Variants in SH3GL2 observed in about 807,000 individuals in gnomAD.
The protein encoded by SH3GL2 is endophilin-A1.
Under a neutral mutation model 46.0 loss-of-function variants are expected in SH3GL2, and 24 were observed. The ratio of observed to expected loss-of-function variants is 0.52; its 90% CI spans 0.38 to 0.73. SH3GL2 has a LOEUF of 0.73. Ranked by LOEUF, SH3GL2 falls within the 30% of genes least tolerant of loss-of-function variation. SH3GL2 has a pLI of 0.00. For synonymous variants in SH3GL2, 196 were observed against 147.1 expected, an observed-to-expected ratio of 1.33 and a Z score of -2.40; for missense variants, 413 against 424.2, an observed-to-expected ratio of 0.97 and a Z score of 0.23.
chr9:17,580,031 T>C (rs1353337493), intron 1 of SH3GL2, among the ~76,000 whole-genome samples: 7 of 152,248 alleles, frequency 4.6e-5, no homozygotes, highest in Admixed American at 1.3e-4. Context: ...GTGCCCATTT[T>C]TCTTTATGGG....
intron 1 of SH3GL2, among the ~76,000 whole-genome samples, chr9:17,719,050 C>T (rs1399709452): frequency 6.6e-6 from 1 of 152,082 alleles, no homozygotes; most frequent in Non-Finnish European, 1.5e-5. Flanking sequence ...TCAGTGTGAC[C>T]TGTCTGGTTT....
chr9:17,688,203 A>T (rs1820974885), intron 1 of SH3GL2, among the ~76,000 whole-genome samples: 3 of 151,994 alleles, frequency 2.0e-5, no homozygotes, highest in Admixed American at 2.0e-4. Context: ...CTAACCATTG[A>T]GTTCAATTTT....
intron 1 of SH3GL2, among the ~76,000 whole-genome samples, chr9:17,728,334 C>A (rs1588278528): frequency 1.3e-5 from 2 of 152,192 alleles, no homozygotes; most frequent in African/African-American, 4.8e-5. Context: ...GCAATTAAAT[C>A]AAAAGTGGCT....
chr9:17,734,415 A>T (rs1563832023), intron 1 of SH3GL2, among the ~76,000 whole-genome samples: 4 of 152,122 alleles, frequency 2.6e-5, no homozygotes. Context: ...CAAAGCACTT[A>T]CTCAATTATA....
At chr9:17,766,674 A>G (rs1045515578) in intron 3 of SH3GL2, among the ~76,000 whole-genome samples, 2 of 152,184 alleles carry the variant, frequency 1.3e-5, no homozygotes, top group East Asian at 3.9e-4. Context: ...GAGATATTCT[A>G]TGTTTTTTTT....
intron 1 of SH3GL2, among the ~76,000 whole-genome samples, chr9:17,634,259 T>C (rs997235045): frequency 2.6e-5 from 4 of 152,210 alleles, no homozygotes; most frequent in Non-Finnish European, 5.9e-5. Context: ...ATGATACATA[T>C]GATACATCTT....
At chr9:17,650,172 A>G (rs769527425) in intron 1 of SH3GL2, among the ~76,000 whole-genome samples, 1 of 152,214 alleles carries the variant, frequency 6.6e-6, no homozygotes, top group Admixed American at 6.5e-5. Context: ...ATGGAATAAA[A>G]TATTGCACAT....
intron 2 of SH3GL2, among the ~76,000 whole-genome samples, chr9:17,761,155 A>G (rs1588310543): frequency 6.6e-6 from 1 of 152,192 alleles, no homozygotes; most frequent in Non-Finnish European, 1.5e-5. Context: ...GTTTCATTTT[A>G]TTCACCTTAT....
intron 1 of SH3GL2, among the ~76,000 whole-genome samples, chr9:17,606,061 C>T (rs557365397): frequency 3.3e-5 from 5 of 150,450 alleles, no homozygotes; most frequent in East Asian, 4.0e-4. Flanking sequence ...ACCTTGACGG[C>T]GGGGTCAGCT....
chr9:17,604,296 A>G (rs868629894), intron 1 of SH3GL2, among the ~76,000 whole-genome samples: 3 of 152,240 alleles, frequency 2.0e-5, no homozygotes, highest in African/African-American at 7.2e-5. Flanking sequence ...CCAAGTCCAC[A>G]CAGACCGTTA....
intron 4 of SH3GL2, among the ~76,000 whole-genome samples, 155 bp downstream of exon 4, chr9:17,786,679 T>A (rs1454818568): frequency 1.3e-5 from 2 of 152,182 alleles, no homozygotes; most frequent in Non-Finnish European, 1.5e-5. Context: ...TTTTCAGAAT[T>A]ATTTCATCCG....
At chr9:17,756,868 A>G (rs1823009027) in intron 2 of SH3GL2, among the ~76,000 whole-genome samples, 1 of 152,090 alleles carries the variant, frequency 6.6e-6, no homozygotes. Context: ...GTCAAATGGT[A>G]TTTCTAGTTC....
intron 1 of SH3GL2, among the ~76,000 whole-genome samples, chr9:17,603,554 A>T (rs1207892641): frequency 6.6e-6 from 1 of 152,042 alleles, no homozygotes; most frequent in Admixed American, 6.6e-5. Context: ...GACGGTGGTG[A>T]TGGTTGCATA....
At chr9:17,705,114 A>T (rs1308734497) in intron 1 of SH3GL2, among the ~76,000 whole-genome samples, 2 of 152,074 alleles carry the variant, frequency 1.3e-5, no homozygotes, top group Non-Finnish European at 2.9e-5. Context: ...AAGAAAGCAT[A>T]CATGTGGCCA....
chr9:17,788,950 C>T (rs1024068319), intron 5 of SH3GL2, among the ~76,000 whole-genome samples: 1 of 152,346 alleles, frequency 6.6e-6, no homozygotes, highest in Non-Finnish European at 1.5e-5. Context: ...ACTGCCATTT[C>T]TATCTCACTT....
At chr9:17,581,518 C>A (rs775956951) in intron 1 of SH3GL2, among the ~76,000 whole-genome samples, 2 of 152,096 alleles carry the variant, frequency 1.3e-5, no homozygotes, top group South Asian at 4.1e-4. Flanking sequence ...TATGTAAAGC[C>A]CATGTTAATG....
At chr9:17,704,279 A>G (rs1391175866) in intron 1 of SH3GL2, among the ~76,000 whole-genome samples, 1 of 152,124 alleles carries the variant, frequency 6.6e-6, no homozygotes, top group East Asian at 1.9e-4. Flanking sequence ...ACACTGCTCA[A>G]AGAAATCGGA....
At chr9:17,627,141 A>G (rs1819300471) in intron 1 of SH3GL2, among the ~76,000 whole-genome samples, 1 of 152,214 alleles carries the variant, frequency 6.6e-6, no homozygotes. Context: ...CAGATTCCAA[A>G]GCCAGAGTTT....
intron 1 of SH3GL2, among the ~76,000 whole-genome samples, chr9:17,622,966 T>TTTTCCTTTCG (rs796159653): frequency 1.7e-3 from 144 of 87,230 alleles, no homozygotes; most frequent in South Asian, 3.4e-3. Flanking sequence ...CCTCCCTCCC[T>TTTTCCTTTCG]TTTCCTTTCG....
Sources: gnomAD v4.1 joint callset for allele counts (sites outside exome capture counted in the v4.1 genomes callset) on GRCh38, gnomAD v4.1.1 for gene constraint, MANE v1.5 for transcripts, NCBI Gene and HGNC (gene_info 2026-07-23, HGNC 2026-07-21) for gene names.